Variants in CFAP61 observed in about 807,000 individuals in gnomAD.
CFAP61 encodes cilia- and flagella-associated protein 61.
CFAP61 carries 107 observed loss-of-function variants against 135.6 expected under a neutral mutation model. That is an observed-to-expected ratio of 0.79 (90% CI 0.67 to 0.93). CFAP61 has a LOEUF of 0.93. Among genes scored for constraint, CFAP61 ranks in the 40% least tolerant of loss-of-function variants. The pLI is 0.00. For missense variants in CFAP61, 1,507 were observed against 1,556.2 expected (o/e 0.97, Z 0.53); for synonymous variants, 575 against 578.5 (o/e 0.99, Z 0.09).
chr20:20,302,507 C>T (rs1464852092), intron 25 of CFAP61, among the ~76,000 whole-genome samples: 5 of 152,098 alleles, frequency 3.3e-5, no homozygotes, highest in East Asian at 1.9e-4. Flanking sequence ...ACTAAAAATA[C>T]GAAAATTAAC....
Position 20,106,015 on chromosome 20 carries a change from T to C in CFAP61, c.859+7201T>C, listed in dbSNP as rs1439853611. On this transcript the variant is annotated intron_variant, in intron 8 of 26. Transcript: ENST00000245957. ...CTACTCTTGCCTATATATATATATA[T>C]ATATATATATATATATATATATATA... Among the ~76,000 whole-genome samples the C allele has an allele frequency of 6.8e-3, 185 of 27,106 alleles. 9 individuals are homozygous for C. The highest frequency in any genetic ancestry group is 0.015 in the South Asian group (11 of 736). The allele number at this position is 27,106 out of a possible 152,430, so 17.8% of individuals were successfully genotyped here. A position where few individuals can be genotyped will look rare whatever the true frequency, so the allele number is the denominator to read the frequency against.
chr20:20,292,209 T>A (rs779137292), intron 24 of CFAP61, among the ~76,000 whole-genome samples: 1 of 152,188 alleles, frequency 6.6e-6, no homozygotes, highest in Non-Finnish European at 1.5e-5. Flanking sequence ...AAAGTAACAT[T>A]GTCAGGAACA....
rs1317523279 is a variant in CFAP61 at position 20,111,074 on chromosome 20, G to C, written c.859+12260G>C. On this transcript the variant is annotated intron_variant, in intron 8 of 26. Coordinates refer to ENST00000245957, the MANE Select transcript of CFAP61 (RefSeq NM_015585.4). ...AGGATTAGAATCTGATAACTCACAT[G>C]AGCAGATTATAGTTTTCCATTGAAA... 5.9e-5 allele frequency among the ~76,000 whole-genome samples: 9 copies of C among 152,246 alleles called. No homozygotes were observed. In the East Asian group the frequency reaches 1.7e-3, roughly 29 times the overall value.
At chr20:20,187,484 C>T (rs926184058) in intron 13 of CFAP61, among the ~76,000 whole-genome samples, 5 of 152,104 alleles carry the variant, frequency 3.3e-5, no homozygotes, top group East Asian at 1.9e-4. Context: ...AATTTTTGAA[C>T]GGTGGCCTCA....
chr20:20,258,597 T>A (rs1293013790), intron 20 of CFAP61: 1 of 152,208 alleles, frequency 6.6e-6, no homozygotes, highest in Non-Finnish European at 1.5e-5. Flanking sequence ...TTGCACATGA[T>A]GGCTCTGGGA....
intron 7 of CFAP61, among the ~76,000 whole-genome samples, chr20:20,096,542 A>G (rs1250844194): frequency 6.6e-6 from 1 of 152,262 alleles, no homozygotes; most frequent in African/African-American, 2.4e-5. Flanking sequence ...ATACACATGC[A>G]GCTCGCTGTG....
intron 17 of CFAP61, among the ~76,000 whole-genome samples, chr20:20,203,280 TAA>T (rs2056712160): frequency 6.6e-6 from 1 of 152,068 alleles, no homozygotes. Context: ...AATGCATGGG[TAA>T]GAGAGAGGGC....
At chr20:20,138,355 A>T (rs779453166) in intron 8 of CFAP61, among the ~76,000 whole-genome samples, 1 of 152,200 alleles carries the variant, frequency 6.6e-6, no homozygotes, top group African/African-American at 2.4e-5. Context: ...ACCCCAGAGC[A>T]CTTTTGCCTG....
intron 24 of CFAP61, among the ~76,000 whole-genome samples, chr20:20,293,908 G>C (rs1344780866): frequency 6.6e-6 from 1 of 152,144 alleles, no homozygotes. Context: ...TGAACACCAA[G>C]TCTGATGAAT....
chr20:20,204,721 A>G (rs942150300), intron 17 of CFAP61, among the ~76,000 whole-genome samples: 2 of 152,182 alleles, frequency 1.3e-5, no homozygotes, highest in Non-Finnish European at 2.9e-5. Flanking sequence ...CTCTTTGGCC[A>G]TCACCTTGGT....
chr20:20,131,199 C>T (rs573620039), intron 8 of CFAP61, among the ~76,000 whole-genome samples: 4 of 151,538 alleles, frequency 2.6e-5, no homozygotes, highest in Non-Finnish European at 4.4e-5. Context: ...CTGGTAATAA[C>T]CTGGGTGCTG....
intron 12 of CFAP61, 24 bp from the exon 13 acceptor site, chr20:20,169,297 T>C: frequency 6.3e-7 from 1 of 1,594,926 alleles, no homozygotes; most frequent in Non-Finnish European, 8.6e-7. Context: ...TCTTTCTCTG[T>C]GTCCTGGTTT....
At chr20:20,106,961 A>G (rs958513295) in intron 8 of CFAP61, among the ~76,000 whole-genome samples, 3 of 152,222 alleles carry the variant, frequency 2.0e-5, no homozygotes, top group African/African-American at 7.2e-5. Flanking sequence ...AGTTGCTAGA[A>G]AACACGGTGA....
At chr20:20,096,628 T>G (rs966997110) in intron 7 of CFAP61, among the ~76,000 whole-genome samples, 1 of 152,260 alleles carries the variant, frequency 6.6e-6, no homozygotes, top group East Asian at 1.9e-4. Flanking sequence ...GACATCTCCA[T>G]GTGAACCAAG....
intron 22 of CFAP61, among the ~76,000 whole-genome samples, chr20:20,281,389 T>A (rs928362717): frequency 6.6e-6 from 1 of 152,302 alleles, no homozygotes; most frequent in African/African-American, 2.4e-5. Flanking sequence ...GGATTTTTCT[T>A]TGGTGCTTTT....
chr20:20,136,481 G>C (rs2050936326), intron 8 of CFAP61, among the ~76,000 whole-genome samples: 1 of 151,276 alleles, frequency 6.6e-6, no homozygotes, highest in Non-Finnish European at 1.5e-5. Context: ...CTGTTTTCAA[G>C]CTCACTAATT....
chr20:20,118,332 G>C (rs76677778), intron 8 of CFAP61, among the ~76,000 whole-genome samples: 2 of 112,878 alleles, frequency 1.8e-5, no homozygotes, highest in Non-Finnish European at 3.7e-5. Flanking sequence ...CTCTCTCTCT[G>C]TCTTTCTTCT....
intron 18 of CFAP61, among the ~76,000 whole-genome samples, chr20:20,231,685 G>A (rs979692223): frequency 3.9e-5 from 6 of 152,324 alleles, no homozygotes; most frequent in African/African-American, 7.2e-5. Context: ...CCCAGCCAGC[G>A]CAGGAGCATG....
chr20:20,166,504 C>T, intron 12 of CFAP61, 68 bp downstream of exon 12: 1 of 1,257,248 alleles, frequency 8.0e-7, no homozygotes, highest in Non-Finnish European at 1.2e-6. Flanking sequence ...AGTAAAATGC[C>T]ATAAATTTAT....
Sources: gnomAD v4.1 joint callset for allele counts (sites outside exome capture counted in the v4.1 genomes callset) on GRCh38, gnomAD v4.1.1 for gene constraint, MANE v1.5 for transcripts, NCBI Gene and HGNC (gene_info 2026-07-23, HGNC 2026-07-21) for gene names.